ATP11B: variants seen among roughly 807,000 people sequenced by gnomAD.
ATP11B encodes the protein ATPase phospholipid transporting 11B (putative).
Under a neutral mutation model 157.8 loss-of-function variants are expected in ATP11B, and 81 were observed. The observed-to-expected ratio is 0.51, with a 90% confidence interval of 0.43 to 0.62. The LOEUF (loss-of-function observed/expected upper bound fraction) is 0.62, where lower values mean the gene tolerates loss of function less well. Among genes scored for constraint, ATP11B ranks in the 20% least tolerant of loss-of-function variants. The probability of loss-of-function intolerance (pLI) is 0.00; values close to 1 mark genes in which losing one functional copy is unlikely to be tolerated. For synonymous variants in ATP11B, 451 were observed against 469.4 expected (o/e 0.96, Z 0.51); for missense variants, 1,165 against 1,402.2 (o/e 0.83, Z 2.70).
chr3:182,887,363 A>G (rs866114448), intron 23 of ATP11B, among the ~76,000 whole-genome samples: 3 of 152,228 alleles, frequency 2.0e-5, no homozygotes, highest in Admixed American at 6.5e-5. Flanking sequence ...AGCACCTGAT[A>G]TAGCAAAATA....
At chr3:182,888,916 G>A (rs1722982426) in intron 24 of ATP11B, among the ~76,000 whole-genome samples, 1 of 148,186 alleles carries the variant, frequency 6.7e-6, no homozygotes. Context: ...TAGGCTGAGT[G>A]CAGTGGCGTG....
At chr3:182,891,952 G>A (rs1723203449) in intron 25 of ATP11B, among the ~76,000 whole-genome samples, 1 of 152,146 alleles carries the variant, frequency 6.6e-6, no homozygotes, top group Non-Finnish European at 1.5e-5. Flanking sequence ...TATTTGTAGA[G>A]CATTAAGCAT....
In ATP11B at chr3:182,887,649, A is replaced by G; in HGVS notation, c.2779A>G (p.Ile927Val). ...NICFTSLPIL[I>V]YSLLEQHVDP... ...TTGTTTTACTTCCCTACCTATTCTG[A>G]TATATAGTCTTTTGGAACAGCATGT... is the stretch of plus-strand genomic sequence containing the variant. Residue 927 changes from isoleucine (I) to valine (V), a missense_variant, in exon 24 of 30, where the codon ATA becomes GTA. Ile to Val is a conservative substitution (Grantham distance 29). This residue lies in a region of ATP11B where 737 missense variants were observed against 930.5 expected (regional missense o/e 0.79). Transcript: ENST00000323116. 1 of 1,612,934 alleles carries G rather than the reference A, an allele frequency of 6.2e-7. No homozygotes were observed. The highest frequency in any genetic ancestry group is 8.5e-7 in the Non-Finnish European group (1 of 1,179,524).
At position 182,914,306 on chromosome 3, in the gene ATP11B, ACTTT is replaced by A. The variant is rs1033375751; in HGVS notation, c.3452+317_3452+320del. The A allele has an allele frequency of 1.5e-4, 154 of 1,027,938 alleles. No individual in the cohort carries two copies. The African/African-American group carries it at 2.5e-3, about 17-fold the overall frequency. 63.7% of individuals were successfully genotyped at this position (1,027,938 alleles called of 1,614,324 possible). A position where few individuals can be genotyped will look rare whatever the true frequency, so the allele number is the denominator to read the frequency against. On this transcript the variant is annotated intron_variant, in intron 29 of 29. Coordinates refer to ENST00000323116, the MANE Select transcript of ATP11B (RefSeq NM_014616.3). ...ATGGTACTCTTTTATGGTTTGTATAACTTTCTTTTTTAAATTATACATATACTAT... is the reference window on the plus strand; with the variant it reads ...ATGGTACTCTTTTATGGTTTGTATAACTTTTTTAAATTATACATATACTAT...
intron 10 of ATP11B, among the ~76,000 whole-genome samples, chr3:182,855,012 A>G (rs1720275212): frequency 6.6e-6 from 1 of 152,218 alleles, no homozygotes; most frequent in African/African-American, 2.4e-5. Context: ...ATTAATAGGT[A>G]TAATGCAATT....
Position 182,866,385 on chromosome 3 carries a change from CAGTTGGAGT to C in ATP11B, c.1563_1571del (p.Gln521_Tyr524delinsHis). The C allele has an allele frequency of 6.2e-7, 1 of 1,613,758 alleles. No individual in the cohort carries two copies. Among genetic ancestry groups the C allele is most frequent in the Non-Finnish European group, 8.5e-7 (1 of 1,179,806 alleles). Reference sequence around the variant, plus strand: ...CTGGCAATCCAACCTGGCACCATCGCAGTTGGAGTACTATGCATCTTCACCAGATGAAAA... The same window carrying C: ...CTGGCAATCCAACCTGGCACCATCGCACTATGCATCTTCACCAGATGAAAA... On this transcript the variant is annotated inframe_deletion, in exon 14 of 30. Coordinates refer to ENST00000323116, the MANE Select transcript of ATP11B (RefSeq NM_014616.3).
intron 28 of ATP11B, among the ~76,000 whole-genome samples, chr3:182,906,455 T>C (rs1724354870): frequency 6.6e-6 from 1 of 152,126 alleles, no homozygotes; most frequent in Admixed American, 6.6e-5. Context: ...TCATAAATTT[T>C]TTCTTTGAGA....
In ATP11B at chr3:182,847,469, T is replaced by C. The variant is rs142428057; in HGVS notation, c.770-1007T>C. ...AATGCCTTTAGATGGGTCTGTCTTC[T>C]GTTGTTTTGCCTCAGTACCACCTCT... On this transcript the variant is annotated intron_variant, in intron 9 of 29. Coordinates refer to ENST00000323116, the MANE Select transcript of ATP11B (RefSeq NM_014616.3). Among the ~76,000 whole-genome samples, 28 of 152,230 alleles carry C rather than the reference T, an allele frequency of 1.8e-4. No individual in the cohort carries two copies. In the East Asian group the frequency reaches 5.2e-3, roughly 28 times the overall value.
chr3:182,826,695 A>G (rs1171070724), intron 2 of ATP11B, among the ~76,000 whole-genome samples: 1 of 152,194 alleles, frequency 6.6e-6, no homozygotes, highest in Non-Finnish European at 1.5e-5. Flanking sequence ...TGAAAATATA[A>G]TTTCACCAAA....
intron 1 of ATP11B, among the ~76,000 whole-genome samples, chr3:182,819,610 T>G (rs189658937): frequency 6.6e-6 from 1 of 152,222 alleles, no homozygotes; most frequent in African/African-American, 2.4e-5. Flanking sequence ...TATTCATATC[T>G]CTATTTCAGT....
chr3:182,875,434 G>A lies in ATP11B; in HGVS notation c.2252+1419G>A, dbSNP rs565574808. ...GGGGATTTTTTGTTGTTGTTGTTTT[G>A]TTGTTGTTGTTGTTTGTTTGTTTTT... On this transcript the variant is annotated intron_variant, in intron 19 of 29. Coordinates refer to ENST00000323116, the MANE Select transcript of ATP11B (RefSeq NM_014616.3). Among the ~76,000 whole-genome samples the A allele has an allele frequency of 3.3e-5, 5 of 152,028 alleles. No homozygotes were observed. The South Asian group carries it at 1.0e-3, about 32-fold the overall frequency.
Position 182,918,465 on chromosome 3 carries a change from G to A in ATP11B, c.*361G>A, listed in dbSNP as rs1193620825. 3 of 398,160 alleles carry A rather than the reference G, an allele frequency of 7.5e-6. No individual in the cohort carries two copies. The highest frequency in any genetic ancestry group is 1.3e-5 in the Non-Finnish European group (3 of 225,610). 24.7% of individuals were successfully genotyped at this position (398,160 alleles called of 1,614,324 possible). On this transcript the variant is annotated 3_prime_UTR_variant, in exon 30 of 30. Transcript: ENST00000323116. Reference sequence around the variant, plus strand: ...AAATCTTAGTAAAGAGTATTTTTTAGTATTAGCTTGATTATTGACTCTTCT... The same window carrying A: ...AAATCTTAGTAAAGAGTATTTTTTAATATTAGCTTGATTATTGACTCTTCT...
At chr3:182,848,176 A>C (rs1036879979) in intron 9 of ATP11B, among the ~76,000 whole-genome samples, 8 of 152,138 alleles carry the variant, frequency 5.3e-5, no homozygotes, top group African/African-American at 1.9e-4. Context: ...TGACACTTTT[A>C]TCTTTCCAGA....
intron 10 of ATP11B, among the ~76,000 whole-genome samples, chr3:182,849,999 A>G (rs1299400752): frequency 6.6e-6 from 1 of 152,178 alleles, no homozygotes; most frequent in Non-Finnish European, 1.5e-5. Context: ...AAAATATTTC[A>G]TGGAGCCGAA....
Position 182,906,777 on chromosome 3 carries a change from TA to T in ATP11B, c.3319-7070del, listed in dbSNP as rs111914016. ...TAAATTTTCATAGTTGTATCTGTTT[TA>T]AAAAAAAAAAAAAGAAGAAGAAGAA... On this transcript the variant is annotated intron_variant, in intron 28 of 29. Coordinates refer to ENST00000323116, the MANE Select transcript of ATP11B (RefSeq NM_014616.3). 1.8e-3 allele frequency among the ~76,000 whole-genome samples: 244 copies of T among 133,630 alleles called. 1 individual carries two copies. The highest frequency in any genetic ancestry group is 3.5e-3 in the Middle Eastern group (1 of 282). 87.7% of individuals were successfully genotyped at this position (133,630 alleles called of 152,430 possible).
At chr3:182,795,620 T>C (rs1041782578) in intron 1 of ATP11B, among the ~76,000 whole-genome samples, 6 of 152,248 alleles carry the variant, frequency 3.9e-5, no homozygotes, top group African/African-American at 1.2e-4. Flanking sequence ...ATTTAGTTGC[T>C]CACCTCACTG....
At chr3:182,824,033 T>C (rs1717555205) in intron 2 of ATP11B, among the ~76,000 whole-genome samples, 1 of 152,022 alleles carries the variant, frequency 6.6e-6, no homozygotes, top group African/African-American at 2.4e-5. Context: ...ACTGATCTGC[T>C]TTCTGTAACT....
At position 182,913,935 on chromosome 3, in the gene ATP11B, A is replaced by G; in HGVS notation, c.3393A>G (p.Ala1131=). ...CCFPEGEAAC[A]SVGRMLERVI... is the part of the protein sequence containing the mutation. ...TCCCGGAAGGAGAAGCAGCGTGTGC[A>G]TCTGTTGGAAGAATGCTGGAACGAG... Residue 1131 remains alanine, a synonymous_variant, in exon 29 of 30, where the codon GCA becomes GCG. Coordinates refer to ENST00000323116, the MANE Select transcript of ATP11B (RefSeq NM_014616.3). 6.2e-7 allele frequency: 1 copy of G among 1,614,172 alleles called. No homozygotes were observed. The highest frequency in any genetic ancestry group is 8.5e-7 in the Non-Finnish European group (1 of 1,179,986).
chr3:182,887,828 A>G (rs1314568123), intron 24 of ATP11B, 115 bp downstream of exon 24: 1 of 1,111,250 alleles, frequency 9.0e-7, no homozygotes, highest in Non-Finnish European at 1.3e-6. Flanking sequence ...TAGTTGTCGT[A>G]TGATTTACAG....
Sources: allele counts gnomAD v4.1 joint callset (sites outside exome capture counted in the v4.1 genomes callset), GRCh38; gene constraint gnomAD v4.1.1; regional missense constraint gnomAD v4.1.1; transcripts MANE v1.5; gene names NCBI Gene and HGNC (gene_info 2026-07-23, HGNC 2026-07-21).